ZNF695: variants seen among roughly 807,000 people sequenced by gnomAD.
ZNF695 encodes zinc finger protein SBZF3.
Under a neutral mutation model 11.2 loss-of-function variants are expected in ZNF695, and 11 were observed. The observed-to-expected ratio is 0.98, with a 90% CI of 0.62 to 1.62. The LOEUF is 1.62. Among genes scored for constraint, ZNF695 ranks in the 40% most tolerant of loss-of-function variants. The pLI is 0.00. For synonymous variants in ZNF695, 190 were observed against 201.4 expected (o/e 0.94, Z 0.48); for missense variants, 559 against 590.5 (o/e 0.95, Z 0.55).
At chr1:246,985,277 A>C (rs1558314190), downstream of ZNF695, 1 of 983,582 alleles carries the variant, frequency 1.0e-6, no homozygotes, top group Non-Finnish European at 1.2e-6. Context: ...GGAAAATGTA[A>C]ATAAAATTTT....
intron 4 of ZNF695, among the ~76,000 whole-genome samples, chr1:246,971,189 G>A (rs1668415466): frequency 6.6e-6 from 1 of 152,220 alleles, no homozygotes; most frequent in African/African-American, 2.4e-5. Context: ...CGGAGAGGGG[G>A]CCCTTCCATT....
At chr1:247,000,374 A>G (rs897570350) in intron 1 of ZNF695, among the ~76,000 whole-genome samples, 2 of 152,076 alleles carry the variant, frequency 1.3e-5, no homozygotes, top group African/African-American at 4.8e-5. Flanking sequence ...GCGTGGTGGC[A>G]CATGCCTGTA....
rs780074378 is a variant in ZNF695 at position 246,987,645 on chromosome 1, A to G, written c.870T>C (p.His290=). Residue 290 remains histidine, a synonymous_variant, in exon 4 of 4, where the codon CAT becomes CAC. Coordinates refer to ENST00000339986, the MANE Select transcript of ZNF695 (RefSeq NM_020394.5). The part of the protein sequence containing the change: ...CSVLTKHKKI[H]TGEKPYKCEE... The stretch of plus-strand genomic sequence containing the variant: ...CACATTTGTATGGTTTCTCTCCAGT[A>G]TGAATTTTCTTATGTTTAGTAAGAA... 6.2e-7 allele frequency: 1 copy of G among 1,603,752 alleles called. No homozygotes were observed. Among genetic ancestry groups the G allele is most frequent in the Admixed American group, 1.7e-5 (1 of 57,846 alleles).
intron 5 of ZNF695, among the ~76,000 whole-genome samples, chr1:246,958,022 G>T (rs1668044465): frequency 6.6e-6 from 1 of 151,446 alleles, no homozygotes; most frequent in South Asian, 2.1e-4. Flanking sequence ...TTGAATCTAG[G>T]CAGGGACTTG....
At chr1:246,990,075 G>T (rs971627929) in intron 3 of ZNF695, among the ~76,000 whole-genome samples, 5 of 148,936 alleles carry the variant, frequency 3.4e-5, no homozygotes, top group African/African-American at 9.9e-5. Context: ...GGAAAGGGAA[G>T]GGAAGGGAGA....
At chr1:246,962,327 G>A (rs1294658843) in intron 5 of ZNF695, among the ~76,000 whole-genome samples, 1 of 152,174 alleles carries the variant, frequency 6.6e-6, no homozygotes, top group Non-Finnish European at 1.5e-5. Context: ...AAGGCAGCAC[G>A]ACTGCTTTAC....
intron 4 of ZNF695, among the ~76,000 whole-genome samples, chr1:246,976,822 C>T (rs749344502): frequency 2.6e-5 from 4 of 151,634 alleles, no homozygotes; most frequent in African/African-American, 4.8e-5. Context: ...ATAAATAACA[C>T]TGAATTTATC....
In ZNF695 at chr1:246,987,544, T is replaced by C. The variant is rs1157296254; in HGVS notation, c.971A>G (p.Tyr324Cys). The C allele has an allele frequency of 3.1e-6, 5 of 1,602,430 alleles. 1 individual carries two copies. Among genetic ancestry groups the C allele is most frequent in the African/African-American group, 1.3e-5 (1 of 74,396 alleles). The change falls in exon 4 of 4, where the codon TAC (tyrosine) becomes TGC (cysteine). Residue 324 changes from tyrosine to cysteine, a missense_variant. Transcript: ENST00000339986. ...HKRIHSREKP[Y>C]KCEECGKVFK... ...GACTTTGCCACATTCTTCACACTTG[T>C]AGGGTTTCTCTCTACTATGAATTCT... is the stretch of plus-strand genomic sequence containing the variant.
chr1:246,987,823 T>C lies in ZNF695; in HGVS notation c.692A>G (p.Lys231Arg). ...FNECSCFTDC[K>R]RIHVGEKHCK... is the part of the protein sequence containing the mutation. ...ATGTTTCTCTCCAACATGAATTCTC[T>C]TACAGTCAGTAAAGCATGAGCACTC... The change falls in exon 4 of 4, where the codon AAG becomes AGG. Residue 231 changes from lysine to arginine, a missense_variant. Coordinates refer to ENST00000339986, the MANE Select transcript of ZNF695 (RefSeq NM_020394.5). The C allele has an allele frequency of 6.2e-7, 1 of 1,611,876 alleles. No individual in the cohort carries two copies. The highest frequency in any genetic ancestry group is 1.3e-5 in the African/African-American group (1 of 74,926).
chr1:246,987,467 T>C lies in ZNF695; in HGVS notation c.1048A>G (p.Lys350Glu). ...TQHRRIHTGE[K>E]TFRCEECGKA... ...CCACATTCTTCACATCGGAAGGTTT[T>C]CTCTCCAGTATGAATTCTTCTATGT... The change falls in exon 4 of 4, where the codon AAA becomes GAA. Residue 350 changes from lysine to glutamate, a missense_variant. Physicochemically the swap from Lys to Glu is moderately conservative, Grantham distance 56 (BLOSUM62 1). Coordinates refer to ENST00000339986, the MANE Select transcript of ZNF695 (RefSeq NM_020394.5). The C allele has an allele frequency of 6.2e-7, 1 of 1,611,400 alleles. No homozygotes were observed. The highest frequency in any genetic ancestry group is 8.5e-7 in the Non-Finnish European group (1 of 1,178,508).
intron 5 of ZNF695, among the ~76,000 whole-genome samples, chr1:246,950,018 T>A (rs1209793933): frequency 1.3e-5 from 2 of 152,228 alleles, no homozygotes; most frequent in Non-Finnish European, 2.9e-5. Flanking sequence ...AAAGTGGCTA[T>A]GTGCCTCATT....
At chr1:246,966,940 G>A (rs903524858) in intron 5 of ZNF695, 1 of 429,246 alleles carries the variant, frequency 2.3e-6, no homozygotes, top group Non-Finnish European at 4.6e-6. Flanking sequence ...TACTTTTTTT[G>A]TTGTTTTTAT....
intron 4 of ZNF695, among the ~76,000 whole-genome samples, chr1:246,975,263 A>G (rs1202004609): frequency 6.6e-6 from 1 of 152,220 alleles, no homozygotes; most frequent in Non-Finnish European, 1.5e-5. Flanking sequence ...TAAATGAGTG[A>G]TATGCTGTTG....
chr1:247,007,092 T>A (rs1290957862), intron 1 of ZNF695, among the ~76,000 whole-genome samples: 1 of 152,214 alleles, frequency 6.6e-6, no homozygotes, highest in Non-Finnish European at 1.5e-5. Context: ...GTGCACCTTA[T>A]GAAGACCTTC....
intron 3 of ZNF695, among the ~76,000 whole-genome samples, chr1:246,989,954 T>C (rs1477076066): frequency 6.6e-6 from 1 of 151,108 alleles, no homozygotes; most frequent in African/African-American, 2.4e-5. Flanking sequence ...TGAGCCAAGA[T>C]TGCACCACTG....
intron 3 of ZNF695, among the ~76,000 whole-genome samples, chr1:246,991,021 A>C (rs1669016297): frequency 6.6e-6 from 1 of 152,160 alleles, no homozygotes; most frequent in Non-Finnish European, 1.5e-5. Flanking sequence ...ACTTCAACTA[A>C]ACAATCCAAC....
intron 3 of ZNF695, among the ~76,000 whole-genome samples, chr1:246,991,061 C>T (rs1021773268): frequency 4.0e-5 from 6 of 151,706 alleles, no homozygotes; most frequent in Non-Finnish European, 7.4e-5. Flanking sequence ...GAAAAGCAAG[C>T]GCAAACAAAA....
At chr1:246,951,687 C>T (rs754116477) in intron 5 of ZNF695, among the ~76,000 whole-genome samples, 31 of 152,278 alleles carry the variant, frequency 2.0e-4, no homozygotes, top group Middle Eastern at 6.8e-3. Context: ...TTAGCTACAA[C>T]GATCCAAATT....
chr1:246,968,625 GGT>G (rs1668347297), intron 4 of ZNF695: 1 of 152,266 alleles, frequency 6.6e-6, no homozygotes. Context: ...CCCTAGTAGA[GGT>G]TCTCCACAAG....
Sources: gnomAD v4.1 joint callset for allele counts (sites outside exome capture counted in the v4.1 genomes callset) on GRCh38, gnomAD v4.1.1 for gene constraint, MANE v1.5 for transcripts, NCBI Gene and HGNC (gene_info 2026-07-23, HGNC 2026-07-21) for gene names.